Variants in GLIS1 observed in about 807,000 individuals in gnomAD.
The protein encoded by GLIS1 is zinc finger protein GLIS1.
A neutral mutation model predicts 63.8 loss-of-function variants in GLIS1; 24 were observed. The ratio of observed to expected loss-of-function variants is 0.38; its 90% CI spans 0.27 to 0.53. The LOEUF is 0.53. Ranked by LOEUF, GLIS1 falls within the 20% of genes least tolerant of loss-of-function variation. GLIS1 has a pLI of 0.85. For synonymous variants in GLIS1, 450 were observed against 482.5 expected (o/e 0.93, Z 0.88); for missense variants, 1,036 against 1,074.1 (o/e 0.96, Z 0.50).
chr1:53,709,418 A>ATATATATG (rs1646622035), intron 2 of GLIS1, among the ~76,000 whole-genome samples: 1 of 27,124 alleles, frequency 3.7e-5, no homozygotes, highest in Non-Finnish European at 1.7e-4. Flanking sequence ...ATATACACAC[A>ATATATATG]CACACACACA....
chr1:53,599,505 A>G (rs1485661106), intron 3 of GLIS1, among the ~76,000 whole-genome samples: 1 of 152,266 alleles, frequency 6.6e-6, no homozygotes, highest in Non-Finnish European at 1.5e-5. Context: ...AATGTAAGAC[A>G]TAAATTCCTT....
At chr1:53,660,155 G>C (rs1026900385) in intron 2 of GLIS1, among the ~76,000 whole-genome samples, 3 of 152,126 alleles carry the variant, frequency 2.0e-5, no homozygotes, top group Non-Finnish European at 4.4e-5. Flanking sequence ...ACCTCAATGG[G>C]GGAACATCCG....
At chr1:53,691,886 G>C (rs1235276224) in intron 2 of GLIS1, among the ~76,000 whole-genome samples, 1 of 152,128 alleles carries the variant, frequency 6.6e-6, no homozygotes, top group Non-Finnish European at 1.5e-5. Flanking sequence ...CAGTGACTGT[G>C]TCTCTGAAAG....
At chr1:53,727,564 T>C (rs150835652) in intron 2 of GLIS1, among the ~76,000 whole-genome samples, 1,770 of 152,326 alleles carry the variant, frequency 0.012, 33 homozygotes, top group African/African-American at 0.037. Context: ...AGGATAAACA[T>C]GTGACAAAAA....
intron 3 of GLIS1, among the ~76,000 whole-genome samples, chr1:53,599,482 C>G (rs1645293860): frequency 6.6e-6 from 1 of 152,256 alleles, no homozygotes; most frequent in African/African-American, 2.4e-5. Flanking sequence ...CAATATTGGA[C>G]TTAGCCTCCA....
At chr1:53,714,098 C>T (rs1328003859) in intron 2 of GLIS1, among the ~76,000 whole-genome samples, 18 of 152,178 alleles carry the variant, frequency 1.2e-4, no homozygotes, top group Admixed American at 1.2e-3. Context: ...CCGGAAACAG[C>T]AATGGGGTTT....
At chr1:53,699,073 AT>A (rs56770938) in intron 2 of GLIS1, among the ~76,000 whole-genome samples, 5 of 149,676 alleles carry the variant, frequency 3.3e-5, no homozygotes, top group African/African-American at 7.4e-5. Context: ...TTTTATTTTT[AT>A]TTTTTTTTGA....
chr1:53,700,500 C>A (rs1011918424), intron 2 of GLIS1, among the ~76,000 whole-genome samples: 8 of 151,546 alleles, frequency 5.3e-5, no homozygotes, highest in African/African-American at 1.7e-4. Context: ...GGCCTCTGCT[C>A]GTGTAAATGC....
At chr1:53,665,739 A>G (rs895086244) in intron 2 of GLIS1, among the ~76,000 whole-genome samples, 1 of 152,200 alleles carries the variant, frequency 6.6e-6, no homozygotes, top group African/African-American at 2.4e-5. Flanking sequence ...AGAAGCAGCT[A>G]TCAAGGAGGT....
intron 4 of GLIS1, among the ~76,000 whole-genome samples, chr1:53,580,896 A>T (rs1196792394): frequency 6.6e-6 from 1 of 152,188 alleles, no homozygotes; most frequent in Non-Finnish European, 1.5e-5. Flanking sequence ...GCCCATGGTC[A>T]TAAAAACAGA....
chr1:53,516,092 C>G (rs1287166680), intron 7 of GLIS1, among the ~76,000 whole-genome samples: 3 of 152,166 alleles, frequency 2.0e-5, no homozygotes, highest in East Asian at 1.9e-4. Flanking sequence ...CTGATGGACT[C>G]TGTGTGACCT....
At chr1:53,735,710 A>T (rs1160830900) in intron 2 of GLIS1, among the ~76,000 whole-genome samples, 1 of 152,154 alleles carries the variant, frequency 6.6e-6, no homozygotes, top group Non-Finnish European at 1.5e-5. Context: ...AATAAGCCTG[A>T]GAACTTGGAG....
rs1053197666 is a variant in GLIS1, at chr1:53,713,400, C to G, written c.259+24406G>C. Among the ~76,000 whole-genome samples, 120 of 149,820 alleles carry G rather than the reference C, an allele frequency of 8.0e-4. 1 individual carries two copies. Among genetic ancestry groups the G allele is most frequent in the African/African-American group, 2.6e-3 (104 of 39,692 alleles). ...ATGGTGAGACCTCATCTCTTCAAGA[C>G]CAGCCTGGGCAACATGGTGAGACCT... On this transcript the variant is annotated intron_variant, in intron 2 of 10. Coordinates refer to ENST00000628545, the MANE Select transcript of GLIS1 (RefSeq NM_001367484.1).
intron 4 of GLIS1, among the ~76,000 whole-genome samples, chr1:53,545,693 A>G (rs1334009657): frequency 6.6e-6 from 1 of 152,156 alleles, no homozygotes; most frequent in Non-Finnish European, 1.5e-5. Flanking sequence ...TTCTTTACAT[A>G]TTATACTTAT....
intron 2 of GLIS1, among the ~76,000 whole-genome samples, chr1:53,605,333 T>C (rs1040561973): frequency 1.3e-5 from 2 of 152,138 alleles, no homozygotes; most frequent in African/African-American, 4.8e-5. Flanking sequence ...CGGCATCCCA[T>C]CAGGGTGGCC....
intron 2 of GLIS1, among the ~76,000 whole-genome samples, chr1:53,618,562 C>T (rs1457805953): frequency 2.0e-5 from 3 of 152,220 alleles, no homozygotes; most frequent in African/African-American, 7.2e-5. Context: ...GGCAGGGAGG[C>T]TGCAGACTTG....
In GLIS1 at chr1:53,532,744, G is replaced by A. The variant is rs185090135; in HGVS notation, c.1321-2792C>T. Reference sequence around the variant, plus strand: ...GAGGACAATAACTCCTCCAGGCTTCGTCATTTTCCTGACTGTGGGAGAGTG... The same window carrying A: ...GAGGACAATAACTCCTCCAGGCTTCATCATTTTCCTGACTGTGGGAGAGTG... On this transcript the variant is annotated intron_variant, in intron 4 of 10. Transcript: ENST00000628545. Among the ~76,000 whole-genome samples the A allele has an allele frequency of 6.4e-4, 97 of 152,312 alleles. 1 individual carries two copies. Among genetic ancestry groups the A allele is most frequent in the African/African-American group, 2.2e-3 (91 of 41,574 alleles).
chr1:53,725,733 T>C (rs1646799117), intron 2 of GLIS1, among the ~76,000 whole-genome samples: 1 of 152,180 alleles, frequency 6.6e-6, no homozygotes, highest in Non-Finnish European at 1.5e-5. Context: ...CAAACACAGG[T>C]ACAGCCATTC....
chr1:53,509,098 G>T, intron 10 of GLIS1, 22 bp downstream of exon 10: 1 of 1,542,746 alleles, frequency 6.5e-7, no homozygotes, highest in Non-Finnish European at 8.8e-7. Flanking sequence ...CCAGGACTGG[G>T]AGCCACGCAG....
Sources: gnomAD v4.1 joint callset for allele counts (sites outside exome capture counted in the v4.1 genomes callset) on GRCh38, gnomAD v4.1.1 for gene constraint, MANE v1.5 for transcripts, NCBI Gene and HGNC (gene_info 2026-07-23, HGNC 2026-07-21) for gene names.